Variants in SLCO1B3 observed in about 807,000 individuals in gnomAD.
The protein encoded by SLCO1B3 is liver-specific organic anion transporter 2.
A neutral mutation model predicts 71.8 loss-of-function variants in SLCO1B3; 72 were observed. That is an observed-to-expected ratio of 1.00 (90% CI 0.83 to 1.22). The LOEUF is 1.22. SLCO1B3 is among the 50% of genes most tolerant of loss of function. The probability of loss-of-function intolerance (pLI) is 0.00; values close to 1 mark genes in which losing one functional copy is unlikely to be tolerated. For synonymous variants in SLCO1B3, 298 were observed against 278.4 expected (o/e 1.07, Z -0.70); for missense variants, 911 against 819.7 (o/e 1.11, Z -1.36).
intron 3 of SLCO1B3, among the ~76,000 whole-genome samples, chr12:20,839,220 A>T (rs1465363030): frequency 2.0e-5 from 3 of 152,064 alleles, no homozygotes; most frequent in African/African-American, 7.2e-5. Context: ...GAATTAAAAA[A>T]AACTTTTTAA....
chr12:20,823,378 G>C (rs989701489), intron 3 of SLCO1B3, among the ~76,000 whole-genome samples: 3 of 152,028 alleles, frequency 2.0e-5, no homozygotes, highest in Non-Finnish European at 4.4e-5. Context: ...CTTGTAGTCA[G>C]GAAAAATTTT....
At chr12:20,815,515 C>G (rs547981774) in intron 2 of SLCO1B3, among the ~76,000 whole-genome samples, 159 bp from the exon 3 acceptor site, 2 of 152,168 alleles carry the variant, frequency 1.3e-5, no homozygotes, top group Non-Finnish European at 2.9e-5. Context: ...CTTTCCTCCT[C>G]TGTGTCCAGC....
intron 3 of SLCO1B3, among the ~76,000 whole-genome samples, chr12:20,833,714 A>T (rs1051334524): frequency 1.5e-5 from 2 of 136,928 alleles, no homozygotes; most frequent in African/African-American, 5.0e-5. Flanking sequence ...TTACATGTAT[A>T]TTACATATAT....
chr12:20,849,717 A>ACG, intron 3 of SLCO1B3, among the ~76,000 whole-genome samples: 1 of 76,174 alleles, frequency 1.3e-5, no homozygotes. Context: ...AAAATCACAC[A>ACG]CACACACACA....
At chr12:20,813,785 T>C (rs963703286) in intron 2 of SLCO1B3, 147 bp downstream of exon 2, 1 of 152,178 alleles carries the variant, frequency 6.6e-6, no homozygotes, top group Non-Finnish European at 1.5e-5. Flanking sequence ...GATTAAAATA[T>C]TGTGACCAAA....
chr12:20,870,979 G>A (rs1311258204), intron 8 of SLCO1B3, among the ~76,000 whole-genome samples: 3 of 152,082 alleles, frequency 2.0e-5, no homozygotes, highest in African/African-American at 7.2e-5. Flanking sequence ...TTTATATAAT[G>A]TATCAGATTT....
At position 20,901,288 on chromosome 12, in the gene SLCO1B3, T is replaced by A. The variant is rs1866126852; in HGVS notation, c.1748-62T>A. 17 of 1,026,298 alleles carry A rather than the reference T, an allele frequency of 1.7e-5. 1 individual carries two copies. Among genetic ancestry groups the A allele is most frequent in the Middle Eastern group, 6.2e-4 (2 of 3,228 alleles). The allele number at this position is 1,026,298 out of a possible 1,614,324, so 63.6% of individuals were successfully genotyped here. ...TAATCCAAAATGTATCAATATCGACTATCGCTCAGTTACATTTGAAGCATT... is the reference window on the plus strand; with the variant it reads ...TAATCCAAAATGTATCAATATCGACAATCGCTCAGTTACATTTGAAGCATT... On this transcript the variant is annotated intron_variant, in intron 14 of 15. Coordinates refer to ENST00000381545, the MANE Select transcript of SLCO1B3 (RefSeq NM_019844.4).
chr12:20,821,559 C>T lies in SLCO1B3; in HGVS notation c.84+5737C>T, dbSNP rs572570360. On this transcript the variant is annotated intron_variant, in intron 3 of 15. Coordinates refer to ENST00000381545, the MANE Select transcript of SLCO1B3 (RefSeq NM_019844.4). ...GAAAAGCAGAGAAAGGGTTGGGGCACGGAAATAAGGGATTGGGGGTTCTTG... is the reference window on the plus strand; with the variant it reads ...GAAAAGCAGAGAAAGGGTTGGGGCATGGAAATAAGGGATTGGGGGTTCTTG... Among the ~76,000 whole-genome samples the T allele has an allele frequency of 2.5e-3, 381 of 151,762 alleles. 1 individual carries two copies. The highest frequency in any genetic ancestry group is 0.01 in the Middle Eastern group (3 of 292).
At chr12:20,844,489 A>G (rs193035688) in intron 3 of SLCO1B3, among the ~76,000 whole-genome samples, 35 of 151,910 alleles carry the variant, frequency 2.3e-4, no homozygotes, top group Non-Finnish European at 3.4e-4. Context: ...GATCACTTGA[A>G]CCTAGGAGGC....
intron 8 of SLCO1B3, among the ~76,000 whole-genome samples, chr12:20,863,586 C>T (rs1287051418): frequency 6.6e-6 from 1 of 152,118 alleles, no homozygotes; most frequent in Non-Finnish European, 1.5e-5. Context: ...ATTAGTAGAT[C>T]CAACTGGGGT....
intron 3 of SLCO1B3, among the ~76,000 whole-genome samples, chr12:20,823,717 A>G (rs1401696140): frequency 6.6e-6 from 1 of 152,200 alleles, no homozygotes; most frequent in African/African-American, 2.4e-5. Context: ...AGCCTAGCCA[A>G]GGATTTATCT....
At chr12:20,844,145 ATGTG>A (rs915655493) in intron 3 of SLCO1B3, among the ~76,000 whole-genome samples, 1 of 151,720 alleles carries the variant, frequency 6.6e-6, no homozygotes, top group Non-Finnish European at 1.5e-5. Flanking sequence ...GTGTATATAT[ATGTG>A]TGTGTGTGTA....
intron 3 of SLCO1B3, among the ~76,000 whole-genome samples, chr12:20,816,823 C>A (rs1864203210): frequency 6.6e-6 from 1 of 152,140 alleles, no homozygotes; most frequent in African/African-American, 2.4e-5. Context: ...CAACAGTGTA[C>A]AAGGAATTCC....
intron 2 of SLCO1B3, among the ~76,000 whole-genome samples, chr12:20,814,266 G>T (rs1295832353): frequency 6.6e-6 from 1 of 151,878 alleles, no homozygotes; most frequent in Non-Finnish European, 1.5e-5. Context: ...TTTAAAATAG[G>T]GGCTTAATAA....
chr12:20,869,247 C>T (rs1865433285), intron 8 of SLCO1B3, among the ~76,000 whole-genome samples: 1 of 152,320 alleles, frequency 6.6e-6, no homozygotes, highest in East Asian at 1.9e-4. Flanking sequence ...TTCCCAGACA[C>T]TGGCGTCACT....
chr12:20,901,145 C>T (rs1414225397), intron 14 of SLCO1B3, among the ~76,000 whole-genome samples: 1 of 152,244 alleles, frequency 6.6e-6, no homozygotes, highest in African/African-American at 2.4e-5. Context: ...AAGAGTAGAT[C>T]AAATACATCT....
rs1428074479 is a variant in SLCO1B3 at position 20,901,451 on chromosome 12, A to G, written c.1849A>G (p.Asn617Asp). Residue 617 changes from asparagine (N) to aspartate (D), a missense_variant, in exon 15 of 16, where the codon AAT (asparagine) becomes GAT (aspartate). Transcript: ENST00000381545. The stretch of plus-strand genomic sequence containing the variant: ...AGCACAAGGGGCTTGTAGGATATAT[A>G]ATTCCGTATTTTTTGGGTAAGTTGT... The part of the protein sequence containing the change: ...CGAQGACRIY[N>D]SVFFGRVYLG... 2.0e-6 allele frequency: 3 copies of G among 1,536,890 alleles called. No homozygotes were observed. The highest frequency in any genetic ancestry group is 2.6e-6 in the Non-Finnish European group (3 of 1,146,400).
At position 20,877,805 on chromosome 12, in the gene SLCO1B3, A is replaced by G. The variant is rs886049136; in HGVS notation, c.1004A>G (p.Asn335Ser). 6.6e-7 allele frequency: 1 copy of G among 1,516,306 alleles called. No homozygotes were observed. Among genetic ancestry groups the G allele is most frequent in the Non-Finnish European group, 8.8e-7 (1 of 1,131,642 alleles). The allele number at this position is 1,516,306 out of a possible 1,614,324, so 93.9% of individuals were successfully genotyped here. Reference protein sequence around the residue: ...FFQSLKSILTNPLYVIFLLLT... With the variant: ...FFQSLKSILTSPLYVIFLLLT... ...CAGTCTTTGAAAAGCATCCTTACCA[A>G]TCCCCTGTATGTTATATTTCTGCTT... Residue 335 changes from asparagine to serine, a missense_variant, in exon 10 of 16, where the codon AAT (asparagine) becomes AGT (serine). By Grantham distance (46) the Asn-to-Ser change is conservative. Coordinates refer to ENST00000381545, the MANE Select transcript of SLCO1B3 (RefSeq NM_019844.4).
intron 9 of SLCO1B3, among the ~76,000 whole-genome samples, chr12:20,876,794 T>A (rs1865588464): frequency 6.6e-6 from 1 of 152,202 alleles, no homozygotes; most frequent in Non-Finnish European, 1.5e-5. Flanking sequence ...TTATTTTGTC[T>A]ATGCTATGTT....
Sources: allele counts gnomAD v4.1 joint callset (sites outside exome capture counted in the v4.1 genomes callset), GRCh38; gene constraint gnomAD v4.1.1; transcripts MANE v1.5; gene names NCBI Gene and HGNC (gene_info 2026-07-23, HGNC 2026-07-21).